SPAG16: variants seen among roughly 807,000 people sequenced by gnomAD.
The protein encoded by SPAG16 is sperm-associated antigen 16 protein.
In SPAG16, 86 loss-of-function variants were observed where a neutral mutation model predicts 80.4. The observed-to-expected ratio is 1.07, with a 90% confidence interval of 0.90 to 1.28. The LOEUF is 1.28. SPAG16 is among the 50% of genes most tolerant of loss of function. SPAG16 has a pLI of 0.00. For synonymous variants in SPAG16, 294 were observed against 265.9 expected (o/e 1.11, Z -1.03); for missense variants, 870 against 765.3 (o/e 1.14, Z -1.61).
At chr2:213,773,110 T>C (rs976325075) in intron 10 of SPAG16, among the ~76,000 whole-genome samples, 3 of 152,220 alleles carry the variant, frequency 2.0e-5, no homozygotes, top group Non-Finnish European at 2.9e-5. Flanking sequence ...TGATATCATT[T>C]GGTTTATCCC....
rs141853397 is a variant in SPAG16 at position 213,318,348 on chromosome 2, C to T, written c.536+992C>T. 2.0e-4 allele frequency among the ~76,000 whole-genome samples: 30 copies of T among 152,122 alleles called. No individual in the cohort carries two copies. The East Asian group carries it at 5.8e-3, about 29-fold the overall frequency. On this transcript the variant is annotated intron_variant, in intron 5 of 15. Transcript: ENST00000331683. ...AAAATGAATGAAATCAGGCCTTTTG[C>T]AGCAACATGGGTGGAACTCGAGGCC...
intron 11 of SPAG16, 29 bp downstream of exon 11, chr2:213,862,657 C>G (rs953333707): frequency 9.3e-6 from 15 of 1,611,646 alleles, no homozygotes; most frequent in African/African-American, 2.7e-5. Context: ...TAGAAATAGC[C>G]TAATCTCTCT....
chr2:214,088,046 A>T (rs1471276447), intron 13 of SPAG16, among the ~76,000 whole-genome samples: 1 of 152,144 alleles, frequency 6.6e-6, no homozygotes, highest in Non-Finnish European at 1.5e-5. Flanking sequence ...AAGGAAGAGG[A>T]ATACAATTAA....
At chr2:213,506,863 T>G (rs1340100140) in intron 10 of SPAG16, among the ~76,000 whole-genome samples, 4 of 152,242 alleles carry the variant, frequency 2.6e-5, no homozygotes. Flanking sequence ...TTCTGTCTTT[T>G]GTATCAGCAT....
At chr2:213,289,118 A>G (rs562767362) in intron 1 of SPAG16, among the ~76,000 whole-genome samples, 1 of 152,316 alleles carries the variant, frequency 6.6e-6, no homozygotes, top group South Asian at 2.1e-4. Context: ...AAGTCTGGCA[A>G]GGGGGCTGAG....
At chr2:213,594,238 C>T (rs1454450938) in intron 10 of SPAG16, among the ~76,000 whole-genome samples, 4 of 152,124 alleles carry the variant, frequency 2.6e-5, no homozygotes, top group African/African-American at 7.2e-5. Flanking sequence ...TTCAACTCTT[C>T]GCTTCCTCTT....
intron 12 of SPAG16, among the ~76,000 whole-genome samples, chr2:213,969,697 T>G (rs138808348): frequency 7.2e-5 from 11 of 152,320 alleles, no homozygotes; most frequent in African/African-American, 1.9e-4. Context: ...TTATCTTTTT[T>G]TATAAATCAT....
chr2:213,730,506 A>G lies in SPAG16; in HGVS notation c.1071-131979A>G, dbSNP rs537741137. On this transcript the variant is annotated intron_variant, in intron 10 of 15. Coordinates refer to ENST00000331683, the MANE Select transcript of SPAG16 (RefSeq NM_024532.5). ...ATAGGTTTTTCTTTCAATACTTTCA[A>G]TAACTCACTTCACTCTCTTGTTTAT... 5.3e-5 allele frequency among the ~76,000 whole-genome samples: 8 copies of G among 152,288 alleles called. 1 individual carries two copies. The South Asian group carries it at 6.2e-4, about 12-fold the overall frequency.
intron 14 of SPAG16, among the ~76,000 whole-genome samples, 155 bp downstream of exon 14, chr2:214,108,416 A>G (rs933252630): frequency 6.6e-6 from 1 of 151,202 alleles, no homozygotes; most frequent in South Asian, 2.1e-4. Context: ...CTATAGGTAT[A>G]TAGGGTTGCA....
chr2:213,615,213 C>G (rs1203418571), intron 10 of SPAG16, among the ~76,000 whole-genome samples: 1 of 152,314 alleles, frequency 6.6e-6, no homozygotes, highest in African/African-American at 2.4e-5. Context: ...ATGATAAAAA[C>G]CCACCTACAG....
intron 10 of SPAG16, among the ~76,000 whole-genome samples, chr2:213,705,028 G>T (rs544964960): frequency 2.0e-5 from 3 of 152,124 alleles, no homozygotes; most frequent in Non-Finnish European, 2.9e-5. Context: ...GGAGGCAGGC[G>T]GATCATGAGG....
intron 4 of SPAG16, among the ~76,000 whole-genome samples, chr2:213,316,723 C>T (rs1345102207): frequency 1.3e-5 from 2 of 152,050 alleles, no homozygotes; most frequent in African/African-American, 2.4e-5. Context: ...GCTTCTCTCC[C>T]AGCTATCCAC....
intron 10 of SPAG16, among the ~76,000 whole-genome samples, chr2:213,673,964 C>T (rs529589175): frequency 6.6e-6 from 1 of 152,012 alleles, no homozygotes; most frequent in South Asian, 2.1e-4. Flanking sequence ...TTAATAGTTG[C>T]AAGTGTCATT....
intron 11 of SPAG16, among the ~76,000 whole-genome samples, chr2:213,881,715 A>T (rs1039625022): frequency 1.3e-5 from 2 of 152,208 alleles, no homozygotes; most frequent in Non-Finnish European, 2.9e-5. Context: ...CATGGGAGAA[A>T]CTGCCCCCAT....
At chr2:214,230,249 A>G (rs1688596139) in intron 15 of SPAG16, among the ~76,000 whole-genome samples, 1 of 151,956 alleles carries the variant, frequency 6.6e-6, no homozygotes, top group Non-Finnish European at 1.5e-5. Context: ...TAATTTCTAC[A>G]TTAACCAAAA....
In SPAG16 at chr2:213,387,429, C is replaced by CTTTTTTTTTTT. The variant is rs1491308938; in HGVS notation, c.942+12311_942+12312insTTTTTTTTTTT. ...TTTTTGGGTTGGAATGAAATGCATG[C>CTTTTTTTTTTT]TCTTTTTTTTTTTTTTTTTTTTTTT... On this transcript the variant is annotated intron_variant, in intron 9 of 15. Coordinates refer to ENST00000331683, the MANE Select transcript of SPAG16 (RefSeq NM_024532.5). Among the ~76,000 whole-genome samples the CTTTTTTTTTTT allele has an allele frequency of 7.0e-4, 50 of 71,772 alleles. 2 individuals carry two copies. The highest frequency in any genetic ancestry group is 1.2e-3 in the East Asian group (2 of 1,614). The allele number at this position is 71,772 out of a possible 152,430, so 47.1% of individuals were successfully genotyped here.
chr2:213,299,064 C>A (rs2062617966), intron 3 of SPAG16, among the ~76,000 whole-genome samples: 1 of 151,856 alleles, frequency 6.6e-6, no homozygotes, highest in African/African-American at 2.4e-5. Flanking sequence ...ATTTTTTGTT[C>A]TGATCTTATA....
chr2:214,087,748 A>G (rs1236436296), intron 13 of SPAG16, among the ~76,000 whole-genome samples: 1 of 152,110 alleles, frequency 6.6e-6, no homozygotes, highest in East Asian at 1.9e-4. Flanking sequence ...CAAAAATTAC[A>G]GCATAAGTAA....
At chr2:213,530,672 T>G (rs1024550211) in intron 10 of SPAG16, among the ~76,000 whole-genome samples, 2 of 152,188 alleles carry the variant, frequency 1.3e-5, no homozygotes, top group African/African-American at 4.8e-5. Flanking sequence ...TTTTTTGATT[T>G]GGCAATAATA....
Sources: allele counts gnomAD v4.1 joint callset (sites outside exome capture counted in the v4.1 genomes callset), GRCh38; gene constraint gnomAD v4.1.1; transcripts MANE v1.5; gene names NCBI Gene and HGNC (gene_info 2026-07-23, HGNC 2026-07-21).